Variants in CCDC91 observed in about 807,000 individuals in gnomAD.
CCDC91 encodes the protein coiled-coil domain containing 91.
Under a neutral mutation model 63.2 loss-of-function variants are expected in CCDC91, and 48 were observed. The observed-to-expected ratio is 0.76, with a 90% CI of 0.60 to 0.97. CCDC91 has a LOEUF of 0.97. Ranked by LOEUF, CCDC91 falls within the 50% of genes least tolerant of loss-of-function variation. CCDC91 has a pLI of 0.00. For synonymous variants in CCDC91, 167 were observed against 165.8 expected (o/e 1.01, Z -0.06); for missense variants, 500 against 494.6 (o/e 1.01, Z -0.10).
intron 3 of CCDC91, among the ~76,000 whole-genome samples, chr12:28,289,103 T>C (rs188427419): frequency 7.9e-5 from 12 of 152,194 alleles, no homozygotes; most frequent in Admixed American, 7.8e-4. Context: ...GCTAGTGGTC[T>C]ATTTTACCAA....
At chr12:28,501,806 G>A (rs1937919809) in intron 12 of CCDC91, among the ~76,000 whole-genome samples, 1 of 151,526 alleles carries the variant, frequency 6.6e-6, no homozygotes, top group South Asian at 2.1e-4. Flanking sequence ...TGTACCTCTG[G>A]TAGAATTCGG....
intron 12 of CCDC91, among the ~76,000 whole-genome samples, chr12:28,510,615 A>G (rs1440997866): frequency 6.6e-6 from 1 of 151,890 alleles, no homozygotes; most frequent in Non-Finnish European, 1.5e-5. Context: ...CTCATTTATA[A>G]ACACCCTTAC....
intron 7 of CCDC91, among the ~76,000 whole-genome samples, chr12:28,363,286 C>T (rs928712069): frequency 2.6e-5 from 4 of 151,998 alleles, no homozygotes; most frequent in African/African-American, 9.7e-5. Flanking sequence ...TGTTATCTTA[C>T]TAAATTTACT....
chr12:28,521,179 C>T (rs565298352), intron 12 of CCDC91, among the ~76,000 whole-genome samples: 143 of 152,216 alleles, frequency 9.4e-4, no homozygotes, highest in Admixed American at 2.0e-3. Flanking sequence ...GCCATTTTCA[C>T]GATATTGATT....
At chr12:28,394,720 C>G (rs1199878897) in intron 8 of CCDC91, among the ~76,000 whole-genome samples, 1 of 151,794 alleles carries the variant, frequency 6.6e-6, no homozygotes, top group Admixed American at 6.6e-5. Context: ...TGCTCTCTCT[C>G]TCTCTCTCTC....
intron 1 of CCDC91, among the ~76,000 whole-genome samples, chr12:28,254,207 G>A (rs1946296120): frequency 6.6e-6 from 1 of 152,160 alleles, no homozygotes; most frequent in Admixed American, 6.5e-5. Context: ...TTTGAGAATT[G>A]TTAGACCTTG....
At chr12:28,373,864 A>G (rs1010671805) in intron 7 of CCDC91, among the ~76,000 whole-genome samples, 3 of 152,062 alleles carry the variant, frequency 2.0e-5, no homozygotes, top group Non-Finnish European at 2.9e-5. Flanking sequence ...ACAAGATCTA[A>G]TGCTTTTACA....
At chr12:28,521,989 G>A (rs1940727552) in intron 12 of CCDC91, among the ~76,000 whole-genome samples, 1 of 152,076 alleles carries the variant, frequency 6.6e-6, no homozygotes. Context: ...ATTTTCTTGA[G>A]GATTTTTGCA....
At chr12:28,305,502 GA>G (rs1938613432) in intron 3 of CCDC91, 146 bp from the exon 4 acceptor site, 1 of 686,028 alleles carries the variant, frequency 1.5e-6, no homozygotes, top group South Asian at 2.3e-5. Context: ...AATAGTCATA[GA>G]ATCCTGATTT....
intron 6 of CCDC91, among the ~76,000 whole-genome samples, chr12:28,336,680 T>C (rs1236066182): frequency 6.6e-6 from 1 of 152,060 alleles, no homozygotes; most frequent in Middle Eastern, 3.2e-3. Context: ...TTGGAGATGT[T>C]TATAAAACAT....
At chr12:28,206,964 G>A (rs968714985) in intron 1 of CCDC91, among the ~76,000 whole-genome samples, 1 of 152,158 alleles carries the variant, frequency 6.6e-6, no homozygotes, top group South Asian at 2.1e-4. Flanking sequence ...GTGAATCAAT[G>A]TTCTGTTTCT....
At chr12:28,508,305 A>G (rs1467685710) in intron 12 of CCDC91, among the ~76,000 whole-genome samples, 1 of 151,876 alleles carries the variant, frequency 6.6e-6, no homozygotes, top group African/African-American at 2.4e-5. Context: ...TCAGGAGCCA[A>G]CTGATTCTCA....
At chr12:28,307,823 T>C in intron 6 of CCDC91, 74 bp downstream of exon 6, 2 of 769,846 alleles carry the variant, frequency 2.6e-6, no homozygotes, top group Non-Finnish European at 4.4e-6. Context: ...AAAAAGTGCA[T>C]AATGAATATC....
At chr12:28,199,847 T>G (rs1942073961) in intron 1 of CCDC91, among the ~76,000 whole-genome samples, 1 of 152,212 alleles carries the variant, frequency 6.6e-6, no homozygotes, top group Non-Finnish European at 1.5e-5. Flanking sequence ...GATGAGTTGC[T>G]TCTCTCTTGT....
chr12:28,277,609 A>G (rs889788739), intron 3 of CCDC91, among the ~76,000 whole-genome samples: 1 of 152,034 alleles, frequency 6.6e-6, no homozygotes, highest in Non-Finnish European at 1.5e-5. Flanking sequence ...TCTGGTCTCA[A>G]GCATTTTGAG....
At chr12:28,344,133 A>G (rs1942636320) in intron 6 of CCDC91, among the ~76,000 whole-genome samples, 1 of 152,132 alleles carries the variant, frequency 6.6e-6, no homozygotes, top group Admixed American at 6.5e-5. Context: ...CATACTTGTA[A>G]TAAGAAATCA....
chr12:28,217,309 C>G (rs1293328708), intron 1 of CCDC91, among the ~76,000 whole-genome samples: 1 of 151,892 alleles, frequency 6.6e-6, no homozygotes, highest in Non-Finnish European at 1.5e-5. Flanking sequence ...TTTAAATATC[C>G]TGGGGTGGTA....
intron 1 of CCDC91, among the ~76,000 whole-genome samples, chr12:28,246,711 G>C (rs1945761467): frequency 6.6e-6 from 1 of 152,156 alleles, no homozygotes; most frequent in African/African-American, 2.4e-5. Flanking sequence ...TAGTTTTCAA[G>C]AAATAGTGAT....
At chr12:28,290,508 A>G (rs1949181242) in intron 3 of CCDC91, among the ~76,000 whole-genome samples, 1 of 152,130 alleles carries the variant, frequency 6.6e-6, no homozygotes, top group African/African-American at 2.4e-5. Flanking sequence ...TTTACATTCA[A>G]GCTTAGTACT....
Sources: allele counts gnomAD v4.1 joint callset (sites outside exome capture counted in the v4.1 genomes callset), GRCh38; gene constraint gnomAD v4.1.1; transcripts MANE v1.5; gene names NCBI Gene and HGNC (gene_info 2026-07-23, HGNC 2026-07-21).